Variants in GRIN2B observed in about 807,000 individuals in gnomAD.
GRIN2B encodes glutamate receptor ionotropic, NMDA 2B.
In GRIN2B, 5 loss-of-function variants were observed where a neutral mutation model predicts 114.5. That is an observed-to-expected ratio of 0.04 (90% confidence interval 0.02 to 0.09). GRIN2B has a LOEUF of 0.09. Among genes scored for constraint, GRIN2B ranks in the 10% least tolerant of loss-of-function variants. The pLI is 1.00. For missense variants in GRIN2B, 1,108 were observed against 1,943.5 expected, an observed-to-expected ratio of 0.57 and a Z score of 8.08; for synonymous variants, 787 against 745.1, an observed-to-expected ratio of 1.06 and a Z score of -0.92.
Position 13,737,030 on chromosome 12 carries a change from CAAAAAAAA to C in GRIN2B, c.1010+16279_1010+16286del, listed in dbSNP as rs368902113. Among the ~76,000 whole-genome samples, 51 of 100,596 alleles carry C rather than the reference CAAAAAAAA, an allele frequency of 5.1e-4. No individual in the cohort carries two copies. In the East Asian group the frequency reaches 0.015, roughly 29 times the overall value. 66.0% of individuals were successfully genotyped at this position (100,596 alleles called of 152,430 possible). A position where few individuals can be genotyped will look rare whatever the true frequency, so the allele number is the denominator to read the frequency against. ...GGGCAACAAGAGAGAAACTCCATCT[CAAAAAAAA>C]AAAAAAAAGAAGAAGAAAAAGAACA... is the stretch of plus-strand genomic sequence containing the variant. On this transcript the variant is annotated intron_variant, in intron 4 of 13. Coordinates refer to ENST00000609686, the MANE Select transcript of GRIN2B (RefSeq NM_000834.5).
intron 4 of GRIN2B, among the ~76,000 whole-genome samples, chr12:13,730,946 T>C (rs1863078424): frequency 6.6e-6 from 1 of 152,198 alleles, no homozygotes; most frequent in African/African-American, 2.4e-5. Flanking sequence ...CGTGCACCTA[T>C]ACAGCTGACC....
chr12:13,873,191 T>C (rs1044519127), intron 2 of GRIN2B, among the ~76,000 whole-genome samples: 2 of 152,344 alleles, frequency 1.3e-5, no homozygotes, highest in South Asian at 4.1e-4. Context: ...TTTTAAGTTA[T>C]ACCTTCTAAA....
intron 5 of GRIN2B, among the ~76,000 whole-genome samples, chr12:13,649,808 C>A (rs993763212): frequency 3.4e-4 from 51 of 152,218 alleles, no homozygotes; most frequent in African/African-American, 1.2e-3. Context: ...AAACCTCTGG[C>A]CCCCTGGTTT....
intron 5 of GRIN2B, among the ~76,000 whole-genome samples, chr12:13,645,358 G>A (rs76450814): frequency 1.3e-5 from 2 of 152,104 alleles, no homozygotes; most frequent in Non-Finnish European, 2.9e-5. Context: ...TCTTATCTGG[G>A]TGTGGTTGGT....
chr12:13,925,649 C>T (rs772206506), intron 2 of GRIN2B, among the ~76,000 whole-genome samples: 11 of 152,060 alleles, frequency 7.2e-5, no homozygotes, highest in Admixed American at 1.3e-4. Context: ...CGAAACACCC[C>T]GCACTTCCCT....
chr12:13,897,032 T>C (rs548894271), intron 2 of GRIN2B, among the ~76,000 whole-genome samples: 18 of 152,258 alleles, frequency 1.2e-4, no homozygotes, highest in Admixed American at 4.6e-4. Context: ...GATGAGGATG[T>C]TACTTAAAAT....
intron 4 of GRIN2B, among the ~76,000 whole-genome samples, chr12:13,730,198 T>A (rs1339834808): frequency 6.6e-6 from 1 of 152,156 alleles, no homozygotes; most frequent in South Asian, 2.1e-4. Flanking sequence ...TATAGATTTA[T>A]GTCTTATAAA....
rs576988799 is a variant in GRIN2B, at chr12:13,855,819, CT to C, written c.411+9978del. ...TGGTTCCAAGGGTTAAGACATGGAC[CT>C]ATCTTTTGAAGGATCACCATGCTAC... On this transcript the variant is annotated intron_variant, in intron 3 of 13. Coordinates refer to ENST00000609686, the MANE Select transcript of GRIN2B (RefSeq NM_000834.5). Among the ~76,000 whole-genome samples the C allele has an allele frequency of 6.6e-5, 10 of 152,266 alleles. No homozygotes were observed. The South Asian group carries it at 1.2e-3, about 19-fold the overall frequency.
chr12:13,775,077 C>A (rs192201953), intron 3 of GRIN2B, among the ~76,000 whole-genome samples: 51 of 152,144 alleles, frequency 3.4e-4, no homozygotes, highest in African/African-American at 1.2e-3. Flanking sequence ...GCAGTGGGAA[C>A]AATTTAAACA....
At chr12:13,954,960 G>T (rs545125187) in intron 2 of GRIN2B, among the ~76,000 whole-genome samples, 1 of 152,076 alleles carries the variant, frequency 6.6e-6, no homozygotes, top group Non-Finnish European at 1.5e-5. Flanking sequence ...TTAGAGAAAT[G>T]CTTTCATTAT....
chr12:13,940,438 GCACACACACA>G (rs141427427), intron 2 of GRIN2B, among the ~76,000 whole-genome samples: 1 of 150,872 alleles, frequency 6.6e-6, no homozygotes, highest in African/African-American at 2.4e-5. Context: ...TCTCCTTGGC[GCACACACACA>G]CACACGCACA....
chr12:13,840,631 TAAAATAA>T (rs1865361730), intron 3 of GRIN2B, among the ~76,000 whole-genome samples: 1 of 150,728 alleles, frequency 6.6e-6, no homozygotes, highest in African/African-American at 2.4e-5. Context: ...GCCACTGTAA[TAAAATAA>T]AAAATAAAGC....
chr12:13,969,815 C>T (rs1275239632), intron 2 of GRIN2B, among the ~76,000 whole-genome samples: 2 of 152,152 alleles, frequency 1.3e-5, no homozygotes, highest in African/African-American at 4.8e-5. Flanking sequence ...ATGTTGAAAT[C>T]AAAGCAGCTT....
chr12:13,970,167 C>A (rs1435507911), intron 2 of GRIN2B, among the ~76,000 whole-genome samples: 1 of 152,122 alleles, frequency 6.6e-6, no homozygotes, highest in East Asian at 1.9e-4. Context: ...GTGGAGCCTG[C>A]CTTTGAGATG....
intron 3 of GRIN2B, among the ~76,000 whole-genome samples, chr12:13,794,229 A>G (rs1429435540): frequency 1.3e-5 from 2 of 151,198 alleles, no homozygotes; most frequent in Non-Finnish European, 2.9e-5. Context: ...AAAAAGAAAA[A>G]GAAAAGAAAA....
chr12:13,798,156 T>C (rs537529275), intron 3 of GRIN2B, among the ~76,000 whole-genome samples: 12 of 152,344 alleles, frequency 7.9e-5, no homozygotes, highest in Middle Eastern at 3.4e-3. Flanking sequence ...ATTAGAACCA[T>C]TCCTGACCCA....
intron 3 of GRIN2B, among the ~76,000 whole-genome samples, chr12:13,815,734 A>G (rs919753637): frequency 6.6e-6 from 1 of 152,186 alleles, no homozygotes; most frequent in African/African-American, 2.4e-5. Context: ...CATTATGCCT[A>G]ACTTTGAAGT....
chr12:13,976,813 C>T (rs1360022484), intron 2 of GRIN2B, among the ~76,000 whole-genome samples: 2 of 151,966 alleles, frequency 1.3e-5, no homozygotes, highest in Admixed American at 1.3e-4. Flanking sequence ...TTATTGTATT[C>T]ATGGAGGAAC....
intron 2 of GRIN2B, among the ~76,000 whole-genome samples, chr12:13,872,111 G>C (rs1486740033): frequency 6.6e-6 from 1 of 151,376 alleles, no homozygotes; most frequent in Non-Finnish European, 1.5e-5. Context: ...GGAACAAAAA[G>C]AAAAAGACGG....
Sources: allele counts gnomAD v4.1 joint callset (sites outside exome capture counted in the v4.1 genomes callset), GRCh38; gene constraint gnomAD v4.1.1; transcripts MANE v1.5; gene names NCBI Gene and HGNC (gene_info 2026-07-23, HGNC 2026-07-21).